Variants in NKAIN2 observed in about 807,000 individuals in gnomAD.
The protein encoded by NKAIN2 is sodium/potassium-transporting ATPase subunit beta-1-interacting protein 2.
A neutral mutation model predicts 32.6 loss-of-function variants in NKAIN2; 14 were observed. That is an observed-to-expected ratio of 0.43 (90% CI 0.28 to 0.67). NKAIN2 has a LOEUF of 0.67. Ranked by LOEUF, NKAIN2 falls within the 30% of genes least tolerant of loss-of-function variation. The probability of loss-of-function intolerance (pLI) is 0.17; values close to 1 mark genes in which losing one functional copy is unlikely to be tolerated. For synonymous variants in NKAIN2, 80 were observed against 87.2 expected, an observed-to-expected ratio of 0.92 and a Z score of 0.46; for missense variants, 198 against 258.3, an observed-to-expected ratio of 0.77 and a Z score of 1.60.
At chr6:123,978,783 G>A (rs576525112) in intron 1 of NKAIN2, among the ~76,000 whole-genome samples, 1 of 152,202 alleles carries the variant, frequency 6.6e-6, no homozygotes, top group South Asian at 2.1e-4. Context: ...CTTCTACCAT[G>A]CAAAGTATAT....
At chr6:124,405,535 G>C (rs970299224) in intron 3 of NKAIN2, among the ~76,000 whole-genome samples, 10 of 141,180 alleles carry the variant, frequency 7.1e-5, no homozygotes, top group African/African-American at 2.6e-4. Flanking sequence ...CTTTTGTTTT[G>C]TCTTTTTTTT....
intron 1 of NKAIN2, among the ~76,000 whole-genome samples, chr6:124,058,670 GT>G (rs575007862): frequency 6.6e-6 from 1 of 152,040 alleles, no homozygotes; most frequent in Non-Finnish European, 1.5e-5. Flanking sequence ...TCAGTCACCT[GT>G]TTTTTGTATG....
intron 1 of NKAIN2, among the ~76,000 whole-genome samples, chr6:123,924,588 A>G (rs190987139): frequency 6.6e-5 from 10 of 152,232 alleles, no homozygotes; most frequent in African/African-American, 2.4e-4. Flanking sequence ...TTTTACTATA[A>G]TAGAAGTTTA....
chr6:124,764,695 A>G (rs552331797), intron 4 of NKAIN2, among the ~76,000 whole-genome samples: 3 of 152,154 alleles, frequency 2.0e-5, no homozygotes, highest in Admixed American at 6.6e-5. Flanking sequence ...TGTATTTATC[A>G]TATTTCTTTG....
intron 3 of NKAIN2, among the ~76,000 whole-genome samples, chr6:124,581,291 T>G (rs186138209): frequency 6.7e-6 from 1 of 149,942 alleles, no homozygotes; most frequent in African/African-American, 2.5e-5. Flanking sequence ...TACAAAAAAT[T>G]AGCCAGGCGC....
chr6:124,823,094 C>T, intron 6 of NKAIN2, 126 bp from the exon 7 acceptor site: 2 of 766,620 alleles, frequency 2.6e-6, no homozygotes, highest in South Asian at 1.5e-5. Context: ...ATTTAAAACC[C>T]AATTTGGGCT....
chr6:123,812,408 TA>T (rs1418422684), intron 1 of NKAIN2, among the ~76,000 whole-genome samples: 1 of 152,190 alleles, frequency 6.6e-6, no homozygotes, highest in Non-Finnish European at 1.5e-5. Context: ...ATCAAGTTAT[TA>T]AAACAAATGA....
At chr6:124,521,244 G>A (rs142407308) in intron 3 of NKAIN2, among the ~76,000 whole-genome samples, 1 of 152,178 alleles carries the variant, frequency 6.6e-6, no homozygotes, top group East Asian at 1.9e-4. Context: ...AGCATTCATC[G>A]TTTTACCATT....
intron 3 of NKAIN2, among the ~76,000 whole-genome samples, chr6:124,455,091 T>G (rs565471819): frequency 4.6e-5 from 7 of 152,210 alleles, no homozygotes; most frequent in Admixed American, 2.0e-4. Flanking sequence ...TATGTTGAAA[T>G]AAGGTTTATA....
At chr6:124,179,991 A>C (rs1460460701) in intron 1 of NKAIN2, among the ~76,000 whole-genome samples, 2 of 152,176 alleles carry the variant, frequency 1.3e-5, no homozygotes, top group East Asian at 1.9e-4. Context: ...GAGAGCCACA[A>C]ATTCTGAATA....
At chr6:124,276,728 A>T (rs1795052821) in intron 1 of NKAIN2, among the ~76,000 whole-genome samples, 1 of 152,192 alleles carries the variant, frequency 6.6e-6, no homozygotes, top group Non-Finnish European at 1.5e-5. Flanking sequence ...CAACAATATT[A>T]TAAAGACCTA....
chr6:124,426,719 T>C (rs923639782), intron 3 of NKAIN2, among the ~76,000 whole-genome samples: 4 of 152,100 alleles, frequency 2.6e-5, no homozygotes, highest in African/African-American at 9.7e-5. Context: ...CCAAATCTCA[T>C]CTTGAATTAT....
intron 1 of NKAIN2, among the ~76,000 whole-genome samples, chr6:123,994,217 T>TA (rs397888170): frequency 6.6e-6 from 1 of 151,540 alleles, no homozygotes; most frequent in Non-Finnish European, 1.5e-5. Context: ...TTTTTTTTTT[T>TA]AGATTCTGAG....
At chr6:124,651,189 C>T (rs949012389) in intron 3 of NKAIN2, among the ~76,000 whole-genome samples, 3 of 151,286 alleles carry the variant, frequency 2.0e-5, no homozygotes, top group Non-Finnish European at 4.4e-5. Flanking sequence ...AGGAGTTAAG[C>T]CGCCAAGGCT....
intron 1 of NKAIN2, among the ~76,000 whole-genome samples, chr6:123,859,312 A>G (rs990403842): frequency 6.6e-6 from 1 of 152,216 alleles, no homozygotes; most frequent in Non-Finnish European, 1.5e-5. Context: ...AAGCAAAATT[A>G]TAATCAAAAG....
chr6:124,333,318 G>A (rs1454794213), intron 2 of NKAIN2, among the ~76,000 whole-genome samples: 1 of 152,034 alleles, frequency 6.6e-6, no homozygotes, highest in Non-Finnish European at 1.5e-5. Flanking sequence ...CTATCTCACA[G>A]TTCTAGGGGC....
chr6:124,359,548 T>C (rs1035913982), intron 3 of NKAIN2, among the ~76,000 whole-genome samples: 3 of 152,040 alleles, frequency 2.0e-5, no homozygotes, highest in African/African-American at 7.2e-5. Flanking sequence ...TGAATGGGAG[T>C]TCACTCATGA....
chr6:124,686,417 C>CA (rs1447951043), intron 4 of NKAIN2, among the ~76,000 whole-genome samples: 1 of 151,932 alleles, frequency 6.6e-6, no homozygotes, highest in Non-Finnish European at 1.5e-5. Context: ...TGGCAGAAGG[C>CA]AAAAAGGGAG....
At position 124,324,712 on chromosome 6, in the gene NKAIN2, G is replaced by GT. The variant is rs57387940; in HGVS notation, c.193-30545dup. 1.9e-3 allele frequency among the ~76,000 whole-genome samples: 283 copies of GT among 148,510 alleles called. 3 individuals are homozygous for GT. Among genetic ancestry groups the GT allele is most frequent in the Middle Eastern group, 3.5e-3 (1 of 284 alleles). On this transcript the variant is annotated intron_variant, in intron 2 of 6. Transcript: ENST00000368417. ...GAATTTTAGTTGGTATGTTTTGGAA[G>GT]TTTTTTTTTTATCACATTGAGGAAA...
Sources: gnomAD v4.1 joint callset for allele counts (sites outside exome capture counted in the v4.1 genomes callset) on GRCh38, gnomAD v4.1.1 for gene constraint, MANE v1.5 for transcripts, NCBI Gene and HGNC (gene_info 2026-07-23, HGNC 2026-07-21) for gene names.